The following P2RX4 variants were observed in gnomAD, a reference collection of about 807,000 sequenced individuals.
P2RX4 encodes the protein purinergic receptor P2X 4, also known as P2X purinoceptor 4.
P2RX4 carries 37 observed loss-of-function variants against 48.0 expected under a neutral mutation model. The observed-to-expected ratio is 0.77, with a 90% CI of 0.59 to 1.01. The LOEUF (loss-of-function observed/expected upper bound fraction) is 1.01. Ranked by LOEUF, P2RX4 falls within the 50% of genes least tolerant of loss-of-function variation. The probability of loss-of-function intolerance (pLI) is 0.00; values close to 1 mark genes in which losing one functional copy is unlikely to be tolerated. For missense variants in P2RX4, 501 were observed against 521.4 expected, an observed-to-expected ratio of 0.96 and a Z score of 0.38; for synonymous variants, 200 against 199.7, an observed-to-expected ratio of 1.00 and a Z score of -0.01.
Position 121,212,822 on chromosome 12 carries a change from ATAT to A in P2RX4, c.134+2526_134+2528del, listed in dbSNP as rs1265793818. 6 of 42,804 alleles carry A rather than the reference ATAT, an allele frequency of 1.4e-4. No homozygotes were observed. The South Asian group carries it at 3.0e-3, about 21-fold the overall frequency. The allele number at this position is 42,804 out of a possible 1,614,324, so 2.7% of individuals were successfully genotyped here. On this transcript the variant is annotated intron_variant, in intron 1 of 11. Coordinates refer to ENST00000337233, the MANE Select transcript of P2RX4 (RefSeq NM_002560.3). The stretch of plus-strand genomic sequence containing the variant: ...TATATATATATATATATATATATAT[ATAT>A]TTTTTTTTTTTTTTTGGAGACTCAC...
Position 121,232,327 on chromosome 12 carries a change from C to A in P2RX4, c.885-87C>A. 1 of 930,100 alleles carries A rather than the reference C, an allele frequency of 1.1e-6. No homozygotes were observed. Among genetic ancestry groups the A allele is most frequent in the Non-Finnish European group, 1.8e-6 (1 of 571,038 alleles). The allele number at this position is 930,100 out of a possible 1,614,324, so 57.6% of individuals were successfully genotyped here. The stretch of plus-strand genomic sequence containing the variant: ...TCAGCCGGCAGAGTGGACCATTCAC[C>A]TGTGCCAGCTCCACTCTAACGTTCT... On this transcript the variant is annotated intron_variant, in intron 8 of 11. Transcript: ENST00000337233. The surrounding 1 kb of genome is among the most constrained non-coding windows in gnomAD (Gnocchi z 4.3).
intron 2 of P2RX4, among the ~76,000 whole-genome samples, chr12:121,220,038 T>C (rs1225220193): frequency 2.0e-5 from 3 of 152,166 alleles, no homozygotes; most frequent in African/African-American, 7.2e-5. Context: ...AAATCAATTA[T>C]TTGGCACCTT....
At chr12:121,222,421 T>C (rs1886690575) in intron 4 of P2RX4, 1 of 532,200 alleles carries the variant, frequency 1.9e-6, no homozygotes, top group African/African-American at 1.9e-5. Context: ...TTTTGTTTTT[T>C]TGTTTTTTTG....
chr12:121,229,075 A>G lies in P2RX4; in HGVS notation c.860A>G (p.Asn287Ser). 6.2e-7 allele frequency: 1 copy of G among 1,614,098 alleles called. No individual in the cohort carries two copies. Among genetic ancestry groups the G allele is most frequent in the East Asian group, 2.2e-5 (1 of 44,872 alleles). Residue 287 changes from asparagine to serine, a missense_variant, in exon 8 of 12, where the codon AAC (asparagine) becomes AGC (serine). This residue lies in a region of P2RX4 where 197 missense variants were observed against 219.5 expected (regional missense o/e 0.90). Transcript: ENST00000337233. The surrounding 1 kb of genome is among the most constrained non-coding windows in gnomAD (Gnocchi z 4.6). ...CTCGATACACGGGACGTTGAGCACA[A>G]CGTATCTCCTGGCTACAATTTCAGG... ...RRLDTRDVEH[N>S]VSPGYNFRFA...
At chr12:121,210,624 T>C (rs1386319403) in intron 1 of P2RX4, among the ~76,000 whole-genome samples, 1 of 151,988 alleles carries the variant, frequency 6.6e-6, no homozygotes, top group Non-Finnish European at 1.5e-5. Flanking sequence ...TGCAAAAAAT[T>C]AAAAATCATC....
chr12:121,223,231 C>T (rs572127605), intron 5 of P2RX4, 188 bp downstream of exon 5: 19 of 570,122 alleles, frequency 3.3e-5, no homozygotes, highest in South Asian at 1.2e-4. Flanking sequence ...CCCACCACCA[C>T]GCCCAACTAA....
intron 2 of P2RX4, among the ~76,000 whole-genome samples, chr12:121,217,773 A>AG (rs1886327899): frequency 6.6e-6 from 1 of 151,164 alleles, no homozygotes; most frequent in East Asian, 1.9e-4. Context: ...AAAAAAAAAA[A>AG]AAAAGAAAAA....
In P2RX4 at chr12:121,217,678, C is replaced by A. The variant is rs184819590; in HGVS notation, c.282+397C>A. Among the ~76,000 whole-genome samples the A allele has an allele frequency of 5.3e-4, 80 of 150,848 alleles. 1 individual carries two copies. In the East Asian group the frequency reaches 0.013, roughly 24 times the overall value. ...CAGTAGCTCACGTGTGTAATCCCAG[C>A]ACTTTGGGAGGCTGGGGCGGGCAGA... is the stretch of plus-strand genomic sequence containing the variant. On this transcript the variant is annotated intron_variant, in intron 2 of 11. Coordinates refer to ENST00000337233, the MANE Select transcript of P2RX4 (RefSeq NM_002560.3).
chr12:121,211,027 T>G (rs1324063337), intron 1 of P2RX4, among the ~76,000 whole-genome samples: 1 of 152,176 alleles, frequency 6.6e-6, no homozygotes, highest in Admixed American at 6.6e-5. Flanking sequence ...GAGGTCAGAC[T>G]GTAGCGAGTG....
chr12:121,232,422 A>C lies in P2RX4; in HGVS notation c.893A>C (p.Lys298Thr), dbSNP rs147410500. The change falls in exon 9 of 12, where the codon AAG becomes ACG. Residue 298 changes from lysine to threonine, a missense_variant. By Grantham distance (78) the Lys-to-Thr change is moderately conservative. Transcript: ENST00000337233. This position sits in a 1 kb window ranked among gnomAD's most constrained non-coding sequence, Gnocchi z 4.3. ...VSPGYNFRFA[K>T]YYRDLAGNEQ... ...ATCCTCCTTCCCCTCAGGTTTGCCA[A>C]GTACTACAGAGACCTGGCTGGCAAC... is the stretch of plus-strand genomic sequence containing the variant. 2.5e-4 allele frequency: 405 copies of C among 1,612,766 alleles called. 1 individual carries two copies. In the African/African-American group the frequency reaches 4.1e-3, roughly 17 times the overall value.
In P2RX4 at chr12:121,210,141, G is replaced by A; in HGVS notation, c.-24G>A. On this transcript the variant is annotated 5_prime_UTR_variant, in exon 1 of 12. Coordinates refer to ENST00000337233, the MANE Select transcript of P2RX4 (RefSeq NM_002560.3). ...GGGACTGGGACCCAGACCGACTAGG[G>A]GACTGGGAGCGGGCGGCGCGGCCAT... 6.6e-7 allele frequency: 1 copy of A among 1,514,028 alleles called. No homozygotes were observed. Among genetic ancestry groups the A allele is most frequent in the Non-Finnish European group, 8.8e-7 (1 of 1,137,730 alleles). 93.8% of individuals were successfully genotyped at this position (1,514,028 alleles called of 1,614,324 possible). A position where few individuals can be genotyped will look rare whatever the true frequency, so the allele number is the denominator to read the frequency against.
intron 2 of P2RX4, among the ~76,000 whole-genome samples, chr12:121,221,295 G>C (rs1886593310): frequency 6.6e-6 from 1 of 151,896 alleles, no homozygotes; most frequent in African/African-American, 2.4e-5. Context: ...TGGAATTACA[G>C]GTGTGAGCCA....
rs1555238681 is a variant in P2RX4 at position 121,232,693 on chromosome 12, C to T, written c.1044+17C>T. On this transcript the variant is annotated intron_variant, in intron 10 of 11. Coordinates refer to ENST00000337233, the MANE Select transcript of P2RX4 (RefSeq NM_002560.3). The surrounding 1 kb of genome is among the most constrained non-coding windows in gnomAD (Gnocchi z 4.3). ...CTAGGCATGGTGAGTGGTTTAGGCCCTGCCTTCACCCTCACGGTGAGGTGA... is the reference window on the plus strand; with the variant it reads ...CTAGGCATGGTGAGTGGTTTAGGCCTTGCCTTCACCCTCACGGTGAGGTGA... 6.6e-5 allele frequency: 105 copies of T among 1,600,280 alleles called. 1 individual carries two copies. In the South Asian group the frequency reaches 1.1e-3, roughly 17 times the overall value.
At chr12:121,217,877 G>A (rs772291358) in intron 2 of P2RX4, among the ~76,000 whole-genome samples, 1 of 152,054 alleles carries the variant, frequency 6.6e-6, no homozygotes, top group Non-Finnish European at 1.5e-5. Context: ...CGAAAGGAAG[G>A]GAAGACATTG....
At chr12:121,227,240 T>A (rs1412447147) in intron 5 of P2RX4, among the ~76,000 whole-genome samples, 1 of 152,198 alleles carries the variant, frequency 6.6e-6, no homozygotes, top group Non-Finnish European at 1.5e-5. Flanking sequence ...GGGAAGACTG[T>A]TGATGTTGTC....
At chr12:121,219,632 G>A (rs1342172105) in intron 2 of P2RX4, among the ~76,000 whole-genome samples, 2 of 90,688 alleles carry the variant, frequency 2.2e-5, no homozygotes, top group African/African-American at 7.9e-5. Flanking sequence ...TAGATAGATA[G>A]ATAGATAGAT....
intron 1 of P2RX4, among the ~76,000 whole-genome samples, chr12:121,211,181 T>C (rs1243330267): frequency 6.6e-6 from 1 of 152,220 alleles, no homozygotes; most frequent in African/African-American, 2.4e-5. Context: ...CCATTGTACT[T>C]GAAGGCACCT....
Position 121,229,857 on chromosome 12 carries a change from G to C in P2RX4, c.884+758G>C, listed in dbSNP as rs886187226. ...GGCCTTCTGCCTTGTATGTGTCTCT[G>C]TGTCTTTTCTTCTTGTAAGGATATC... On this transcript the variant is annotated intron_variant, in intron 8 of 11. Transcript: ENST00000337233. The surrounding 1 kb of genome is among the most constrained non-coding windows in gnomAD (Gnocchi z 4.6). Among the ~76,000 whole-genome samples, 1 of 152,126 alleles carries C rather than the reference G, an allele frequency of 6.6e-6. No individual in the cohort carries two copies. The highest frequency in any genetic ancestry group is 2.4e-5 in the African/African-American group (1 of 41,418).
At chr12:121,231,829 C>A (rs1333422288) in intron 8 of P2RX4, among the ~76,000 whole-genome samples, 1 of 151,908 alleles carries the variant, frequency 6.6e-6, no homozygotes, top group African/African-American at 2.4e-5. Flanking sequence ...CTTGGTGAAA[C>A]CCCGTCTCTA....
Sources: allele counts gnomAD v4.1 joint callset (sites outside exome capture counted in the v4.1 genomes callset), GRCh38; gene constraint gnomAD v4.1.1; regional missense constraint gnomAD v4.1.1; non-coding constraint Gnocchi (gnomAD v3.1); transcripts MANE v1.5; gene names NCBI Gene and HGNC (gene_info 2026-07-23, HGNC 2026-07-21).